Variants in PRKCB observed in about 807,000 individuals in gnomAD.
PRKCB encodes protein kinase C beta type.
A neutral mutation model predicts 81.5 loss-of-function variants in PRKCB; 13 were observed. The observed-to-expected ratio is 0.16, with a 90% confidence interval of 0.10 to 0.25. The LOEUF is 0.25. Ranked by LOEUF, PRKCB falls within the 10% of genes least tolerant of loss-of-function variation. The pLI is 1.00. For synonymous variants in PRKCB, 335 were observed against 321.4 expected (o/e 1.04, Z -0.45); for missense variants, 509 against 875.7 (o/e 0.58, Z 5.29).
chr16:24,078,129 G>A (rs1966203728), intron 5 of PRKCB, among the ~76,000 whole-genome samples: 1 of 152,210 alleles, frequency 6.6e-6, no homozygotes, highest in African/African-American at 2.4e-5. Context: ...AAGCTGCCAA[G>A]CAGCGACTCT....
intron 5 of PRKCB, among the ~76,000 whole-genome samples, chr16:24,057,044 G>A (rs1965910720): frequency 6.6e-6 from 1 of 152,166 alleles, no homozygotes; most frequent in Non-Finnish European, 1.5e-5. Flanking sequence ...GATGGTTGTG[G>A]TGGGTGTCTA....
At chr16:24,085,565 A>G (rs906148780) in intron 5 of PRKCB, among the ~76,000 whole-genome samples, 5 of 152,212 alleles carry the variant, frequency 3.3e-5, no homozygotes, top group African/African-American at 9.6e-5. Context: ...AGAGGACAAC[A>G]GTTCTAAATT....
intron 2 of PRKCB, among the ~76,000 whole-genome samples, chr16:23,964,026 C>T (rs993755097): frequency 4.6e-5 from 7 of 152,108 alleles, no homozygotes; most frequent in African/African-American, 7.2e-5. Flanking sequence ...AGGGCTACTG[C>T]GGGGATTAAA....
chr16:23,979,894 G>C (rs1418542117), intron 2 of PRKCB, among the ~76,000 whole-genome samples: 1 of 152,058 alleles, frequency 6.6e-6, no homozygotes, highest in African/African-American at 2.4e-5. Flanking sequence ...GACCAGCCTG[G>C]GCAACATAGT....
In PRKCB at chr16:23,951,873, C is replaced by T. The variant is rs372857391; in HGVS notation, c.206-36635C>T. 3.3e-5 allele frequency among the ~76,000 whole-genome samples: 5 copies of T among 152,272 alleles called. No homozygotes were observed. The East Asian group carries it at 5.8e-4, about 18-fold the overall frequency. ...GTAATACAGGAACGTCACACTTCCA[C>T]AGTCAAATGTGTCAGTCTTCTAAAT... is the stretch of plus-strand genomic sequence containing the variant. On this transcript the variant is annotated intron_variant, in intron 2 of 16. Transcript: ENST00000643927.
intron 5 of PRKCB, among the ~76,000 whole-genome samples, chr16:24,040,527 A>G (rs1039378519): frequency 6.6e-6 from 1 of 152,132 alleles, no homozygotes; most frequent in Non-Finnish European, 1.5e-5. Flanking sequence ...GATTTGATTA[A>G]TGTCTGCATC....
chr16:24,186,424 A>T (rs1419048150), intron 15 of PRKCB, among the ~76,000 whole-genome samples: 2 of 152,212 alleles, frequency 1.3e-5, no homozygotes. Flanking sequence ...GTGATTTTTC[A>T]ACTCTGATGG....
chr16:24,213,732 C>CA (rs1030988479), intron 16 of PRKCB, among the ~76,000 whole-genome samples: 2 of 152,196 alleles, frequency 1.3e-5, no homozygotes, highest in Admixed American at 6.5e-5. Context: ...CCCAAATTAG[C>CA]GGTTTGCCCC....
At chr16:24,158,333 A>G (rs750375250) in intron 10 of PRKCB, among the ~76,000 whole-genome samples, 1 of 152,174 alleles carries the variant, frequency 6.6e-6, no homozygotes, top group Non-Finnish European at 1.5e-5. Flanking sequence ...AATGCCTACT[A>G]TATGTGAGGC....
intron 5 of PRKCB, 70 bp downstream of exon 5, chr16:24,035,617 C>A (rs561594289): frequency 3.9e-5 from 7 of 179,656 alleles, no homozygotes; most frequent in Non-Finnish European, 5.2e-5. Flanking sequence ...GGGAGGGTGG[C>A]GGAGGGGTGG....
intron 16 of PRKCB, among the ~76,000 whole-genome samples, chr16:24,193,869 G>A (rs1967836824): frequency 6.6e-6 from 1 of 152,186 alleles, no homozygotes; most frequent in Admixed American, 6.5e-5. Context: ...AGCCTCCTCA[G>A]GGCTGCTCCA....
chr16:23,836,585 TC>T (rs2141070877), intron 1 of PRKCB, among the ~76,000 whole-genome samples: 1 of 150,612 alleles, frequency 6.6e-6, no homozygotes, highest in South Asian at 2.1e-4. Flanking sequence ...CCTCTCCTGC[TC>T]TCAGGCGCCT....
At chr16:24,143,657 T>C (rs1326862892) in intron 9 of PRKCB, among the ~76,000 whole-genome samples, 1 of 152,190 alleles carries the variant, frequency 6.6e-6, no homozygotes, top group Admixed American at 6.5e-5. Context: ...CAAGTTGACC[T>C]CAGCTCACCA....
chr16:24,131,932 G>A (rs1007821564), intron 9 of PRKCB, among the ~76,000 whole-genome samples: 1 of 152,074 alleles, frequency 6.6e-6, no homozygotes, highest in Non-Finnish European at 1.5e-5. Context: ...GTTACAATTC[G>A]TGTGCGTACC....
At chr16:23,992,930 C>A (rs118136106) in intron 3 of PRKCB, among the ~76,000 whole-genome samples, 2,581 of 152,212 alleles carry the variant, frequency 0.017, 30 homozygotes, top group Non-Finnish European at 0.024. Flanking sequence ...GGCCTCCTTA[C>A]CTCAAGCAAA....
At chr16:24,032,870 A>C (rs1965566873) in intron 4 of PRKCB, among the ~76,000 whole-genome samples, 1 of 152,230 alleles carries the variant, frequency 6.6e-6, no homozygotes, top group South Asian at 2.1e-4. Flanking sequence ...GGCATGAACA[A>C]ATCATGGGCA....
intron 2 of PRKCB, among the ~76,000 whole-genome samples, chr16:23,961,650 G>A (rs1184201440): frequency 5.9e-5 from 9 of 152,162 alleles, no homozygotes; most frequent in Non-Finnish European, 8.8e-5. Flanking sequence ...AATACAGGTT[G>A]AGCATCTCTT....
chr16:24,043,274 A>G (rs7197731), intron 5 of PRKCB, among the ~76,000 whole-genome samples: 3,875 of 152,180 alleles, frequency 0.025, 179 homozygotes, highest in African/African-American at 0.088. Flanking sequence ...ATAGTTGTTC[A>G]ATTTTTTTTG....
chr16:23,985,372 C>T (rs1468692954), intron 2 of PRKCB, among the ~76,000 whole-genome samples: 2 of 152,188 alleles, frequency 1.3e-5, no homozygotes, highest in Admixed American at 1.3e-4. Context: ...GCTAGGATTA[C>T]AGGCATGAAC....
Sources: allele counts gnomAD v4.1 joint callset (sites outside exome capture counted in the v4.1 genomes callset), GRCh38; gene constraint gnomAD v4.1.1; transcripts MANE v1.5; gene names NCBI Gene and HGNC (gene_info 2026-07-23, HGNC 2026-07-21).